GABBR2: variants seen among roughly 807,000 people sequenced by gnomAD.
The protein encoded by GABBR2 is gamma-aminobutyric acid type B receptor subunit 2, also known as G-protein coupled receptor 51.
GABBR2 carries 23 observed loss-of-function variants against 105.6 expected under a neutral mutation model. The ratio of observed to expected loss-of-function variants is 0.22; its 90% confidence interval spans 0.16 to 0.31. GABBR2 has a LOEUF of 0.31. Ranked by LOEUF, GABBR2 falls within the 10% of genes least tolerant of loss-of-function variation. The pLI is 1.00. For missense variants in GABBR2, 734 were observed against 1,245.5 expected (o/e 0.59, Z 6.18); for synonymous variants, 478 against 499.7 (o/e 0.96, Z 0.58).
intron 13 of GABBR2, among the ~76,000 whole-genome samples, chr9:98,331,213 T>C (rs559603953): frequency 7.2e-4 from 109 of 152,288 alleles, no homozygotes; most frequent in Non-Finnish European, 1.2e-3. Flanking sequence ...TAAACATTCA[T>C]GTCTATGTTT....
At chr9:98,675,210 T>C (rs1830459071) in intron 1 of GABBR2, among the ~76,000 whole-genome samples, 1 of 152,142 alleles carries the variant, frequency 6.6e-6, no homozygotes, top group African/African-American at 2.4e-5. Context: ...AAGTGGTGAC[T>C]TCCCAGCAAG....
chr9:98,342,067 C>T (rs1029132444), intron 13 of GABBR2, among the ~76,000 whole-genome samples: 23 of 151,992 alleles, frequency 1.5e-4, no homozygotes, highest in East Asian at 9.7e-4. Context: ...AAGAGGGGAC[C>T]GGCACACAGA....
chr9:98,291,970 G>A (rs1288257881), intron 18 of GABBR2, among the ~76,000 whole-genome samples: 1 of 152,184 alleles, frequency 6.6e-6, no homozygotes, highest in African/African-American at 2.4e-5. Context: ...GAGCAGCAAG[G>A]GAAAAGGGAG....
At chr9:98,336,683 G>A (rs1259097279) in intron 13 of GABBR2, among the ~76,000 whole-genome samples, 4 of 152,094 alleles carry the variant, frequency 2.6e-5, no homozygotes. Context: ...CAGCCTGAGC[G>A]ACAGAGGGAG....
chr9:98,485,967 A>C (rs1426608560), intron 4 of GABBR2, among the ~76,000 whole-genome samples: 1 of 152,146 alleles, frequency 6.6e-6, no homozygotes, highest in Non-Finnish European at 1.5e-5. Flanking sequence ...CCCTGCTGAA[A>C]GTTAGGATCA....
chr9:98,459,549 AG>A (rs1826387218), intron 6 of GABBR2, among the ~76,000 whole-genome samples: 1 of 152,244 alleles, frequency 6.6e-6, no homozygotes, highest in East Asian at 1.9e-4. Flanking sequence ...AAGGTGCCAG[AG>A]TAAAGGGAAC....
At chr9:98,490,996 CTTT>C (rs200970691) in intron 4 of GABBR2, among the ~76,000 whole-genome samples, 1 of 144,446 alleles carries the variant, frequency 6.9e-6, no homozygotes, top group Non-Finnish European at 1.5e-5. Context: ...GTGCTCTTGC[CTTT>C]TTTTTTTTGC....
intron 6 of GABBR2, among the ~76,000 whole-genome samples, chr9:98,461,308 A>G (rs1468822347): frequency 6.6e-6 from 1 of 152,246 alleles, no homozygotes; most frequent in Non-Finnish European, 1.5e-5. Context: ...TTATACTACA[A>G]AGTATCAAAT....
chr9:98,414,348 C>T (rs1832646885), intron 7 of GABBR2, among the ~76,000 whole-genome samples: 1 of 152,094 alleles, frequency 6.6e-6, no homozygotes, highest in Non-Finnish European at 1.5e-5. Flanking sequence ...GGTCCTGAGG[C>T]AGGAAAGAGA....
intron 2 of GABBR2, among the ~76,000 whole-genome samples, chr9:98,561,602 T>C (rs1168834019): frequency 1.3e-5 from 2 of 151,996 alleles, no homozygotes; most frequent in African/African-American, 4.8e-5. Flanking sequence ...GAAAATGAGG[T>C]TGGGTGCAGT....
intron 1 of GABBR2, among the ~76,000 whole-genome samples, chr9:98,657,795 C>T (rs145824209): frequency 2.1e-4 from 32 of 152,372 alleles, no homozygotes; most frequent in African/African-American, 7.5e-4. Flanking sequence ...GTGAGTGATT[C>T]TCACAAGATC....
rs376802110 is a variant in GABBR2 at position 98,298,925 on chromosome 9, T to G, written c.2542+299A>C. ...TATTCGCTAAGAACAAAAGGGAAAA[T>G]AAAATGTGCCTGCCCCCAGTCAGGA... On this transcript the variant is annotated intron_variant, in intron 17 of 18. Transcript: ENST00000259455. Among the ~76,000 whole-genome samples, 54 of 152,114 alleles carry G rather than the reference T, an allele frequency of 3.5e-4. 1 individual carries two copies. The South Asian group carries it at 0.011, about 30-fold the overall frequency.
intron 2 of GABBR2, among the ~76,000 whole-genome samples, chr9:98,546,121 G>GA (rs1828395946): frequency 6.6e-6 from 1 of 152,054 alleles, no homozygotes. Context: ...GGAATTTATT[G>GA]AGATTTTCTT....
At chr9:98,566,798 C>CAAAAAAAAAA (rs55752458) in intron 2 of GABBR2, among the ~76,000 whole-genome samples, 1 of 88,206 alleles carries the variant, frequency 1.1e-5, no homozygotes, top group Non-Finnish European at 2.1e-5. Context: ...AAGACACTGT[C>CAAAAAAAAAA]AAAAAAAAAA....
intron 13 of GABBR2, among the ~76,000 whole-genome samples, chr9:98,316,565 C>T (rs990453864): frequency 6.6e-6 from 1 of 152,248 alleles, no homozygotes; most frequent in African/African-American, 2.4e-5. Context: ...TTGCCAGATA[C>T]TGTTCTGGGC....
intron 7 of GABBR2, among the ~76,000 whole-genome samples, chr9:98,407,972 G>A (rs1190351396): frequency 6.6e-6 from 1 of 152,202 alleles, no homozygotes; most frequent in Non-Finnish European, 1.5e-5. Context: ...AAGTAGGCCA[G>A]CGTGTCTCAC....
At chr9:98,702,776 A>G (rs537599584) in intron 1 of GABBR2, among the ~76,000 whole-genome samples, 1 of 152,268 alleles carries the variant, frequency 6.6e-6, no homozygotes, top group East Asian at 1.9e-4. Flanking sequence ...CTGGTCCTAT[A>G]TGATCTTCCC....
chr9:98,519,935 A>G (rs921524030), intron 3 of GABBR2, among the ~76,000 whole-genome samples: 2 of 152,168 alleles, frequency 1.3e-5, no homozygotes, highest in African/African-American at 2.4e-5. Context: ...TAAAGAGCCT[A>G]TGGTTCTATT....
intron 13 of GABBR2, among the ~76,000 whole-genome samples, chr9:98,311,680 C>A (rs1830638718): frequency 1.3e-5 from 2 of 152,192 alleles, no homozygotes; most frequent in Non-Finnish European, 2.9e-5. Context: ...CTGAGGAGAC[C>A]CTCTTGCCCA....
Sources: allele counts gnomAD v4.1 joint callset (sites outside exome capture counted in the v4.1 genomes callset), GRCh38; gene constraint gnomAD v4.1.1; transcripts MANE v1.5; gene names NCBI Gene and HGNC (gene_info 2026-07-23, HGNC 2026-07-21).